CCSER1: variants seen among roughly 807,000 people sequenced by gnomAD.
The protein encoded by CCSER1 is serine-rich coiled-coil domain-containing protein 1.
A neutral mutation model predicts 82.0 loss-of-function variants in CCSER1; 41 were observed. That is an observed-to-expected ratio of 0.50 (90% CI 0.39 to 0.65). CCSER1 has a LOEUF of 0.65. Among genes scored for constraint, CCSER1 ranks in the 30% least tolerant of loss-of-function variants. The pLI is 0.00. For synonymous variants in CCSER1, 414 were observed against 383.9 expected, an observed-to-expected ratio of 1.08 and a Z score of -0.92; for missense variants, 1,119 against 1,064.2, an observed-to-expected ratio of 1.05 and a Z score of -0.72.
chr4:90,507,813 G>A (rs1770923807), intron 5 of CCSER1, among the ~76,000 whole-genome samples: 1 of 152,070 alleles, frequency 6.6e-6, no homozygotes. Flanking sequence ...TTTTTTAGTT[G>A]TGCTAGCTTT....
chr4:90,260,386 A>G (rs1017503401), intron 1 of CCSER1, among the ~76,000 whole-genome samples: 14 of 152,164 alleles, frequency 9.2e-5, no homozygotes, highest in East Asian at 3.9e-4. Flanking sequence ...TTGTGCTGCT[A>G]TCTCATTTCT....
At chr4:90,599,867 T>C (rs547759317) in intron 5 of CCSER1, among the ~76,000 whole-genome samples, 21 of 152,334 alleles carry the variant, frequency 1.4e-4, no homozygotes, top group South Asian at 6.2e-4. Context: ...TTTGTAAATC[T>C]TCTTTCATCC....
chr4:90,924,057 T>C (rs1020999275), intron 9 of CCSER1, among the ~76,000 whole-genome samples: 1 of 152,134 alleles, frequency 6.6e-6, no homozygotes, highest in African/African-American at 2.4e-5. Context: ...TAAATGCTCA[T>C]TTTTTTCTTA....
At chr4:90,645,711 G>C (rs1327665074) in intron 6 of CCSER1, among the ~76,000 whole-genome samples, 1 of 152,084 alleles carries the variant, frequency 6.6e-6, no homozygotes, top group Non-Finnish European at 1.5e-5. Context: ...ATCTAATTTA[G>C]TACCTACTGA....
At chr4:91,472,105 T>C (rs970382090) in intron 10 of CCSER1, among the ~76,000 whole-genome samples, 1 of 152,154 alleles carries the variant, frequency 6.6e-6, no homozygotes, top group Admixed American at 6.5e-5. Context: ...TTTTTCATTG[T>C]TTTTTTAAAT....
intron 7 of CCSER1, among the ~76,000 whole-genome samples, chr4:90,737,615 G>A (rs1745872994): frequency 6.6e-6 from 1 of 152,092 alleles, no homozygotes; most frequent in Admixed American, 6.5e-5. Context: ...AAACCTGCTT[G>A]GTGTTCTATA....
intron 9 of CCSER1, among the ~76,000 whole-genome samples, chr4:91,041,818 A>T (rs1429655857): frequency 6.6e-6 from 1 of 152,216 alleles, no homozygotes; most frequent in Non-Finnish European, 1.5e-5. Context: ...CTGTCCTCAG[A>T]AATAACTCAC....
intron 3 of CCSER1, among the ~76,000 whole-genome samples, chr4:90,337,913 A>C (rs1336807669): frequency 6.6e-6 from 1 of 152,138 alleles, no homozygotes; most frequent in Non-Finnish European, 1.5e-5. Context: ...CTCTTTCTTC[A>C]TTCAATCTGG....
At chr4:90,698,759 A>G (rs1328651209) in intron 6 of CCSER1, among the ~76,000 whole-genome samples, 1 of 152,176 alleles carries the variant, frequency 6.6e-6, no homozygotes, top group Admixed American at 6.5e-5. Context: ...TTTATTACAC[A>G]TGAAAAACTA....
chr4:90,481,391 G>A (rs1384744140), intron 5 of CCSER1, among the ~76,000 whole-genome samples: 1 of 152,160 alleles, frequency 6.6e-6, no homozygotes, highest in African/African-American at 2.4e-5. Flanking sequence ...GCCCTGGCCA[G>A]AACTTCCAAC....
intron 10 of CCSER1, among the ~76,000 whole-genome samples, chr4:91,186,506 A>G (rs1734549196): frequency 6.6e-6 from 1 of 151,994 alleles, no homozygotes; most frequent in Non-Finnish European, 1.5e-5. Context: ...CCCGTGATGG[A>G]CGCCACTTGC....
intron 3 of CCSER1, among the ~76,000 whole-genome samples, chr4:90,371,799 T>C (rs1053329118): frequency 1.3e-5 from 2 of 152,324 alleles, no homozygotes; most frequent in Non-Finnish European, 1.5e-5. Flanking sequence ...AATAGTTTGA[T>C]GAGAGCCATG....
At chr4:90,399,387 T>C (rs1752481359) in intron 3 of CCSER1, among the ~76,000 whole-genome samples, 1 of 152,116 alleles carries the variant, frequency 6.6e-6, no homozygotes, top group African/African-American at 2.4e-5. Context: ...ATATAGATTG[T>C]TTTCCTGCCC....
chr4:90,861,926 A>ATTTTT lies in CCSER1; in HGVS notation c.2094+46087_2094+46091dup, dbSNP rs70963087. On this transcript the variant is annotated intron_variant, in intron 8 of 10. Coordinates refer to ENST00000509176, the MANE Select transcript of CCSER1 (RefSeq NM_001145065.2). Reference sequence around the variant, plus strand: ...GACTCATATATATATATATATATATATTTTTTTTTTCTGTTAGACTAGTGT... The same window carrying ATTTTT: ...GACTCATATATATATATATATATATATTTTTTTTTTTTTTTCTGTTAGACTAGTGT... Among the ~76,000 whole-genome samples, 606 of 125,638 alleles carry ATTTTT rather than the reference A, an allele frequency of 4.8e-3. 2 individuals are homozygous for ATTTTT. The highest frequency in any genetic ancestry group is 5.5e-3 in the Non-Finnish European group (315 of 57,518). The allele number at this position is 125,638 out of a possible 152,430, so 82.4% of individuals were successfully genotyped here.
At chr4:90,969,558 C>T (rs1161006653) in intron 9 of CCSER1, among the ~76,000 whole-genome samples, 1 of 151,782 alleles carries the variant, frequency 6.6e-6, no homozygotes, top group Non-Finnish European at 1.5e-5. Context: ...AAAAACTGTC[C>T]TTAAGAAATA....
intron 10 of CCSER1, among the ~76,000 whole-genome samples, chr4:91,255,903 C>A (rs1424538980): frequency 6.6e-6 from 1 of 152,084 alleles, no homozygotes; most frequent in African/African-American, 2.4e-5. Context: ...ACAAATTGTT[C>A]GTAAAGCATG....
chr4:90,539,184 A>C (rs1306669556), intron 5 of CCSER1, among the ~76,000 whole-genome samples: 2 of 152,056 alleles, frequency 1.3e-5, no homozygotes, highest in Non-Finnish European at 2.9e-5. Context: ...GCTTTCTTTT[A>C]TAATCCTAGG....
At chr4:90,289,530 T>A (rs928792057) in intron 1 of CCSER1, among the ~76,000 whole-genome samples, 2 of 151,896 alleles carry the variant, frequency 1.3e-5, no homozygotes, top group Admixed American at 6.6e-5. Context: ...TTTCCTCATT[T>A]CCAGAGTATC....
At chr4:90,558,003 G>A (rs1192489440) in intron 5 of CCSER1, among the ~76,000 whole-genome samples, 1 of 152,120 alleles carries the variant, frequency 6.6e-6, no homozygotes, top group Non-Finnish European at 1.5e-5. Flanking sequence ...TGGTAATATA[G>A]GGTTTATTTG....
Sources: allele counts gnomAD v4.1 joint callset (sites outside exome capture counted in the v4.1 genomes callset), GRCh38; gene constraint gnomAD v4.1.1; transcripts MANE v1.5; gene names NCBI Gene and HGNC (gene_info 2026-07-23, HGNC 2026-07-21).